KCNQ1: variants seen among roughly 807,000 people sequenced by gnomAD.
The protein encoded by KCNQ1 is potassium voltage-gated channel subfamily KQT member 1.
In KCNQ1, 49 loss-of-function variants were observed where a neutral mutation model predicts 72.4. That is an observed-to-expected ratio of 0.68 (90% CI 0.54 to 0.86). The LOEUF (loss-of-function observed/expected upper bound fraction) is 0.86. Ranked by LOEUF, KCNQ1 falls within the 40% of genes least tolerant of loss-of-function variation. The pLI, the probability that KCNQ1 is intolerant of heterozygous loss-of-function variation, is 0.00. For missense variants in KCNQ1, 790 were observed against 945.1 expected, an observed-to-expected ratio of 0.84 and a Z score of 2.15; for synonymous variants, 450 against 412.6, an observed-to-expected ratio of 1.09 and a Z score of -1.10.
chr11:2,771,337 C>T (rs943908324), intron 12 of KCNQ1: 2 of 152,230 alleles, frequency 1.3e-5, no homozygotes, highest in Non-Finnish European at 2.9e-5. Flanking sequence ...AAGGATATCC[C>T]ATCGTGATAA....
At chr11:2,630,181 G>A (rs1402774835) in intron 10 of KCNQ1, 10 of 398,058 alleles carry the variant, frequency 2.5e-5, no homozygotes, top group Admixed American at 1.3e-4. Context: ...ATGATTGTAT[G>A]ATTTTTATCT....
At chr11:2,756,774 C>T (rs1174630798) in intron 11 of KCNQ1, among the ~76,000 whole-genome samples, 1 of 151,928 alleles carries the variant, frequency 6.6e-6, no homozygotes, top group African/African-American at 2.4e-5. Flanking sequence ...TTTTGAATAA[C>T]GAGTCCTTGG....
chr11:2,471,562 GTGTA>G lies in KCNQ1; in HGVS notation c.386+26082_386+26085del, dbSNP rs1042720546. On this transcript the variant is annotated intron_variant, in intron 1 of 15. Coordinates refer to ENST00000155840, the MANE Select transcript of KCNQ1 (RefSeq NM_000218.3). The surrounding 1 kb of genome is among the most constrained non-coding windows in gnomAD (Gnocchi z 4.8). ...CAGTATCACAGCCTCACAGGCACATGTGTATGTGTGTGTGTGCACGTGTGTATGG... is the reference window on the plus strand; with the variant it reads ...CAGTATCACAGCCTCACAGGCACATGTGTGTGTGTGTGCACGTGTGTATGG... Among the ~76,000 whole-genome samples, 137 of 107,988 alleles carry G rather than the reference GTGTA, an allele frequency of 1.3e-3. No individual in the cohort carries two copies. Among genetic ancestry groups the G allele is most frequent in the Non-Finnish European group, 2.7e-3 (112 of 40,826 alleles). The allele number at this position is 107,988 out of a possible 152,430, so 70.8% of individuals were successfully genotyped here.
rs148158366 is a variant in KCNQ1 at position 2,662,641 on chromosome 11, G to A, written c.1514+560G>A. ...AGGCCAATCCCCGGTGCCCGGCCAC[G>A]GTGTGATTCCCCTGCGACATGTGAC... On this transcript the variant is annotated intron_variant, in intron 11 of 15. Transcript: ENST00000155840. 1.2e-3 allele frequency: 499 copies of A among 409,192 alleles called. 1 individual carries two copies. Among genetic ancestry groups the A allele is most frequent in the Middle Eastern group, 2.5e-3 (4 of 1,606 alleles). 25.3% of individuals were successfully genotyped at this position (409,192 alleles called of 1,614,324 possible).
At chr11:2,840,909 A>G (rs1848196021) in intron 15 of KCNQ1, among the ~76,000 whole-genome samples, 1 of 151,998 alleles carries the variant, frequency 6.6e-6, no homozygotes, top group Non-Finnish European at 1.5e-5. Flanking sequence ...CTCACTTACT[A>G]ATTCAACAAA....
At chr11:2,568,907 T>C (rs1848285404) in intron 2 of KCNQ1, among the ~76,000 whole-genome samples, 1 of 152,176 alleles carries the variant, frequency 6.6e-6, no homozygotes, top group Non-Finnish European at 1.5e-5. Context: ...TTTTTTGAGA[T>C]GGAGTCTCAC....
At chr11:2,523,198 A>ATTTT (rs60789291) in intron 1 of KCNQ1, among the ~76,000 whole-genome samples, 5 of 137,024 alleles carry the variant, frequency 3.6e-5, no homozygotes, top group Admixed American at 1.5e-4. Flanking sequence ...ATTTAATTTA[A>ATTTT]TTTTTTTTTT....
rs1025927192 is a variant in KCNQ1 at position 2,670,969 on chromosome 11, C to A, written c.1514+8888C>A. ...CATGCCTTCTTATGGTGCCCCAGAG[C>A]CCCTGGCTAGGCATTCATGCTTTAG... On this transcript the variant is annotated intron_variant, in intron 11 of 15. Transcript: ENST00000155840. The surrounding 1 kb of genome is among the most constrained non-coding windows in gnomAD (Gnocchi z 4.9). 2.5e-6 allele frequency: 1 copy of A among 398,510 alleles called. No individual in the cohort carries two copies. The highest frequency in any genetic ancestry group is 2.1e-5 in the African/African-American group (1 of 48,628). 24.7% of individuals were successfully genotyped at this position (398,510 alleles called of 1,614,324 possible).
In KCNQ1 at chr11:2,772,047, C is replaced by T. The variant is rs939941322; in HGVS notation, c.1590+3128C>T. Among the ~76,000 whole-genome samples the T allele has an allele frequency of 2.0e-5, 3 of 152,170 alleles. No individual in the cohort carries two copies. Among genetic ancestry groups the T allele is most frequent in the African/African-American group, 7.2e-5 (3 of 41,432 alleles). On this transcript the variant is annotated intron_variant, in intron 12 of 15. Coordinates refer to ENST00000155840, the MANE Select transcript of KCNQ1 (RefSeq NM_000218.3). This position sits in a 1 kb window ranked among gnomAD's most constrained non-coding sequence, Gnocchi z 6.6. ...GGGCACAGAGGCTCCTGCACAAAGC[C>T]GCTGGGGCTCCCTCCGACCTCACCA...
At chr11:2,696,373 T>A (rs916676115) in intron 11 of KCNQ1, 2 of 398,540 alleles carry the variant, frequency 5.0e-6, no homozygotes, top group Non-Finnish European at 8.8e-6. Context: ...CCCACTGATA[T>A]GTGGTGCCAC....
At chr11:2,532,591 G>A (rs970260376) in intron 2 of KCNQ1, among the ~76,000 whole-genome samples, 12 of 152,180 alleles carry the variant, frequency 7.9e-5, no homozygotes, top group African/African-American at 1.4e-4. Context: ...AGACTGAGGC[G>A]TGGGCTCTGG....
rs1847133332 is a variant in KCNQ1 at position 2,508,085 on chromosome 11, C to T, written c.387-19843C>T. Among the ~76,000 whole-genome samples, 1 of 152,164 alleles carries T rather than the reference C, an allele frequency of 6.6e-6. No individual in the cohort carries two copies. Among genetic ancestry groups the T allele is most frequent in the African/African-American group, 2.4e-5 (1 of 41,446 alleles). The stretch of plus-strand genomic sequence containing the variant: ...GACACAAACACCCAGCTCGGCCCCA[C>T]AGAGCTGGCCTGGGCCCCAGCAGGG... On this transcript the variant is annotated intron_variant, in intron 1 of 15. Coordinates refer to ENST00000155840, the MANE Select transcript of KCNQ1 (RefSeq NM_000218.3). This position sits in a 1 kb window ranked among gnomAD's most constrained non-coding sequence, Gnocchi z 6.2.
intron 2 of KCNQ1, among the ~76,000 whole-genome samples, chr11:2,528,477 G>A (rs1009990220): frequency 2.6e-5 from 4 of 152,232 alleles, no homozygotes; most frequent in South Asian, 2.1e-4. Context: ...TGGCCTGAGC[G>A]GTGTCTGTGC....
intron 1 of KCNQ1, among the ~76,000 whole-genome samples, chr11:2,460,893 G>A (rs1846268103): frequency 6.6e-6 from 1 of 152,240 alleles, no homozygotes; most frequent in South Asian, 2.1e-4. Flanking sequence ...GTTGCTGCCT[G>A]TGCAGGTGGC....
chr11:2,633,521 A>T (rs1281246930), intron 10 of KCNQ1: 2 of 398,414 alleles, frequency 5.0e-6, no homozygotes, highest in African/African-American at 4.1e-5. Flanking sequence ...TTAAGTCTCT[A>T]ATCAATTTTG....
In KCNQ1 at chr11:2,661,199, CTT is replaced by C. The variant is rs1395253905; in HGVS notation, c.1394-760_1394-759del. On this transcript the variant is annotated intron_variant, in intron 10 of 15. Transcript: ENST00000155840. This position sits in a 1 kb window ranked among gnomAD's most constrained non-coding sequence, Gnocchi z 5.9. ...TTGGGGGAGGAAAGCCATTGTGAAT[CTT>C]TGAATTATTCCACTTCTCACAGATG... 2 of 398,472 alleles carry C rather than the reference CTT, an allele frequency of 5.0e-6. No homozygotes were observed. The highest frequency in any genetic ancestry group is 8.8e-6 in the Non-Finnish European group (2 of 226,118). The allele number at this position is 398,472 out of a possible 1,614,324, so 24.7% of individuals were successfully genotyped here.
intron 15 of KCNQ1, among the ~76,000 whole-genome samples, chr11:2,821,917 A>C (rs1465383972): frequency 2.6e-5 from 4 of 152,018 alleles, no homozygotes; most frequent in Non-Finnish European, 4.4e-5. Flanking sequence ...CTGTCCCTTC[A>C]TGGCAGAGTG....
intron 10 of KCNQ1, chr11:2,646,829 TTTG>T: frequency 7.5e-6 from 3 of 398,654 alleles, no homozygotes; most frequent in Non-Finnish European, 1.3e-5. Flanking sequence ...CTAATTTTTG[TTTG>T]TTGATTTTTT....
In KCNQ1 at chr11:2,570,723, G is replaced by A; in HGVS notation, c.573G>A (p.Leu191=). 2 of 1,612,094 alleles carry A rather than the reference G, an allele frequency of 1.2e-6. No homozygotes were observed. The highest frequency in any genetic ancestry group is 1.7e-6 in the Non-Finnish European group (2 of 1,179,942). The change falls in exon 3 of 16, where the codon CTG becomes CTA. Residue 191 remains leucine, a synonymous_variant. Coordinates refer to ENST00000155840, the MANE Select transcript of KCNQ1 (RefSeq NM_000218.3). The part of the protein sequence containing the change: ...RSKYVGLWGR[L]RFARKPISII... ...AGTACGTGGGCCTCTGGGGGCGGCT[G>A]CGCTTTGCCCGGAAGCCCATTTCCA...
Sources: gnomAD v4.1 joint callset for allele counts (sites outside exome capture counted in the v4.1 genomes callset) on GRCh38, gnomAD v4.1.1 for gene constraint, Gnocchi (gnomAD v3.1) non-coding constraint, MANE v1.5 for transcripts, NCBI Gene and HGNC (gene_info 2026-07-23, HGNC 2026-07-21) for gene names.